ZFP1: variants seen among roughly 807,000 people sequenced by gnomAD.
ZFP1 encodes the protein ZFP1 zinc finger protein.
A neutral mutation model predicts 38.5 loss-of-function variants in ZFP1; 32 were observed. The observed-to-expected ratio is 0.83, with a 90% confidence interval of 0.63 to 1.12. The LOEUF (loss-of-function observed/expected upper bound fraction) is 1.12, where lower values mean the gene tolerates loss of function less well. ZFP1 is among the 50% of genes most tolerant of loss of function. The pLI is 0.00. For missense variants in ZFP1, 616 were observed against 480.8 expected (o/e 1.28, Z -2.63); for synonymous variants, 245 against 168.8 (o/e 1.45, Z -3.50).
rs889594282 is a variant in ZFP1, at chr16:75,168,456, G to A, written c.143-797G>A. 3.3e-5 allele frequency among the ~76,000 whole-genome samples: 5 copies of A among 152,056 alleles called. No individual in the cohort carries two copies. The South Asian group carries it at 1.0e-3, about 32-fold the overall frequency. Reference sequence around the variant, plus strand: ...ATTGTGCCACTGCACTCCAGCCTGGGCAAATGAGGGAGACCCTATCTCTAA... The same window carrying A: ...ATTGTGCCACTGCACTCCAGCCTGGACAAATGAGGGAGACCCTATCTCTAA... On this transcript the variant is annotated intron_variant, in intron 3 of 3. Coordinates refer to ENST00000570010, the MANE Select transcript of ZFP1 (RefSeq NM_153688.4).
At chr16:75,139,123 A>G in the ZFP1 span, among the ~76,000 whole-genome samples, 1 of 152,100 alleles carries the variant, frequency 6.6e-6, no homozygotes, top group Non-Finnish European at 1.5e-5. Context: ...TAATCCCAGC[A>G]CTTTGGGAGG....
upstream of ZFP1, among the ~76,000 whole-genome samples, chr16:75,143,907 G>T (rs1015485129): frequency 6.6e-6 from 1 of 152,050 alleles, no homozygotes; most frequent in Non-Finnish European, 1.5e-5. Context: ...GCCTGCCTTG[G>T]CCTCCCAAAG....
chr16:75,166,039 AG>A (rs1483872559), intron 2 of ZFP1, among the ~76,000 whole-genome samples: 3 of 149,880 alleles, frequency 2.0e-5, no homozygotes, highest in African/African-American at 7.3e-5. Context: ...GGCTTGAATG[AG>A]GGGATGGAAG....
At chr16:75,128,244 A>G in the ZFP1 span, among the ~76,000 whole-genome samples, 3 of 152,224 alleles carry the variant, frequency 2.0e-5, no homozygotes, top group African/African-American at 7.2e-5. Flanking sequence ...TGGAACCTCA[A>G]GAGGAGAAGA....
chr16:75,127,446 A>T, the ZFP1 span, among the ~76,000 whole-genome samples: 23 of 151,886 alleles, frequency 1.5e-4, no homozygotes, highest in Non-Finnish European at 2.9e-4. Flanking sequence ...TCAGTCTCCC[A>T]AGTAGCTGGG....
chr16:75,146,591 G>A (rs1388561044), upstream of ZFP1, among the ~76,000 whole-genome samples: 1 of 152,126 alleles, frequency 6.6e-6, no homozygotes, highest in Non-Finnish European at 1.5e-5. Context: ...TCTTCAGTAG[G>A]TGAATGGATT....
chr16:75,121,282 C>T, the ZFP1 span, among the ~76,000 whole-genome samples: 49 of 151,408 alleles, frequency 3.2e-4, no homozygotes, highest in South Asian at 8.4e-4. Flanking sequence ...CCCACCACCA[C>T]GCCCAGCTAA....
chr16:75,142,919 C>G, the ZFP1 span, among the ~76,000 whole-genome samples: 21 of 152,284 alleles, frequency 1.4e-4, 1 homozygote, highest in Admixed American at 1.3e-3. Context: ...CCAGGCTGAT[C>G]TTGAACTCTT....
chr16:75,144,050 C>G (rs1056630351), upstream of ZFP1: 3 of 152,176 alleles, frequency 2.0e-5, no homozygotes, highest in South Asian at 2.1e-4. Context: ...CAATGTGTTT[C>G]TCAGAAACAC....
chr16:75,165,527 T>C (rs1423437570), intron 2 of ZFP1, among the ~76,000 whole-genome samples: 2 of 152,110 alleles, frequency 1.3e-5, no homozygotes, highest in African/African-American at 4.8e-5. Flanking sequence ...CCCGAGTAGC[T>C]GGGATTACAG....
the ZFP1 span, among the ~76,000 whole-genome samples, chr16:75,138,164 G>A: frequency 6.7e-6 from 1 of 150,350 alleles, no homozygotes; most frequent in Non-Finnish European, 1.5e-5. Flanking sequence ...AGCCTCTCAA[G>A]TAGCTGGGAC....
chr16:75,145,743 G>T (rs2036935964), upstream of ZFP1, among the ~76,000 whole-genome samples: 1 of 152,128 alleles, frequency 6.6e-6, no homozygotes, highest in South Asian at 2.1e-4. Context: ...CCCCTTTCCA[G>T]CTCCCCATCC....
chr16:75,167,535 T>G (rs958378771), intron 3 of ZFP1, among the ~76,000 whole-genome samples: 1 of 152,224 alleles, frequency 6.6e-6, no homozygotes, highest in African/African-American at 2.4e-5. Flanking sequence ...GGCACCTAGG[T>G]TGATTCCATG....
At chr16:75,161,992 C>G (rs1260384838) in intron 2 of ZFP1, among the ~76,000 whole-genome samples, 1 of 150,508 alleles carries the variant, frequency 6.6e-6, no homozygotes, top group Non-Finnish European at 1.5e-5. Context: ...CCCATGTTGG[C>G]CAGGCTGGTC....
chr16:75,152,015 C>T (rs2037228512), intron 1 of ZFP1, among the ~76,000 whole-genome samples: 1 of 152,150 alleles, frequency 6.6e-6, no homozygotes, highest in Non-Finnish European at 1.5e-5. Context: ...TGTGAAAGCA[C>T]TTTCAGGATG....
At chr16:75,142,346 A>G in the ZFP1 span, among the ~76,000 whole-genome samples, 1 of 151,338 alleles carries the variant, frequency 6.6e-6, no homozygotes, top group Non-Finnish European at 1.5e-5. Context: ...CAGCCTGGTG[A>G]CAGAGCAAGA....
chr16:75,141,739 AT>A, the ZFP1 span, among the ~76,000 whole-genome samples: 28 of 123,316 alleles, frequency 2.3e-4, no homozygotes, highest in African/African-American at 7.5e-4. Context: ...AAACAAATTA[AT>A]TTAAAAAAAA....
intron 2 of ZFP1, among the ~76,000 whole-genome samples, chr16:75,159,811 T>G (rs1234530894): frequency 6.6e-6 from 1 of 152,236 alleles, no homozygotes; most frequent in Non-Finnish European, 1.5e-5. Flanking sequence ...GCCAGATAGC[T>G]AAATTATTGG....
intron 3 of ZFP1, among the ~76,000 whole-genome samples, chr16:75,168,652 C>T (rs985197620): frequency 5.3e-5 from 8 of 149,772 alleles, no homozygotes; most frequent in Admixed American, 3.3e-4. Context: ...AAGATTCTCA[C>T]TTAAGAGATT....
Sources: allele counts gnomAD v4.1 joint callset (sites outside exome capture counted in the v4.1 genomes callset), GRCh38; gene constraint gnomAD v4.1.1; transcripts MANE v1.5; gene names NCBI Gene and HGNC (gene_info 2026-07-23, HGNC 2026-07-21).